ZNF460: variants seen among roughly 807,000 people sequenced by gnomAD.
The protein encoded by ZNF460 is zinc finger protein 460.
Under a neutral mutation model 8.4 loss-of-function variants are expected in ZNF460, and 1 was observed. That is an observed-to-expected ratio of 0.12 (90% CI 0.04 to 0.56). ZNF460 has a LOEUF of 0.56. ZNF460 is among the 20% of genes least tolerant of loss of function. The pLI is 0.91. For missense variants in ZNF460, 477 were observed against 714.8 expected (o/e 0.67, Z 3.79); for synonymous variants, 262 against 259.9 (o/e 1.01, Z -0.08).
Position 57,293,627 on chromosome 19 carries a change from TTCAC to T in ZNF460, c.*1398_*1401del, listed in dbSNP as rs2087934991. On this transcript the variant is annotated 3_prime_UTR_variant, in exon 3 of 3. Transcript: ENST00000360338. Reference sequence around the variant, plus strand: ...TATCATTTCTTTGTGTTTAGAAACATTCACAGTCTGCTTTTCTAGCTATTTGAAA... The same window carrying T: ...TATCATTTCTTTGTGTTTAGAAACATAGTCTGCTTTTCTAGCTATTTGAAA... 6.6e-6 allele frequency: 1 copy of T among 152,242 alleles called. No individual in the cohort carries two copies. Among genetic ancestry groups the T allele is most frequent in the Admixed American group, 6.5e-5 (1 of 15,274 alleles). 9.4% of individuals were successfully genotyped at this position (152,242 alleles called of 1,614,324 possible). A position where few individuals can be genotyped will look rare whatever the true frequency, so the allele number is the denominator to read the frequency against.
chr19:57,290,721 C>T lies in ZNF460; in HGVS notation c.180C>T (p.Thr60=), dbSNP rs73630461. The T allele has an allele frequency of 7.2e-3, 11,637 of 1,613,798 alleles. 712 individuals are homozygous for T. The African/African-American group carries it at 0.13, about 18-fold the overall frequency. ...VALGDSTKPE[T]VEPIPSHLAL... is the part of the protein sequence containing the mutation. Reference sequence around the variant, plus strand: ...CAGGTGACAGCACAAAACCTGAGACCGTAGAGCCTATCCCTTCTCATCTGG... The same window carrying T: ...CAGGTGACAGCACAAAACCTGAGACTGTAGAGCCTATCCCTTCTCATCTGG... The change falls in exon 3 of 3, where the codon ACC becomes ACT. Residue 60 remains threonine, a synonymous_variant. Coordinates refer to ENST00000360338, the MANE Select transcript of ZNF460 (RefSeq NM_006635.4).
In ZNF460 at chr19:57,280,938, A is replaced by G. The variant is rs577031628; in HGVS notation, c.30+102A>G. 92 of 1,527,426 alleles carry G rather than the reference A, an allele frequency of 6.0e-5. 2 individuals carry two copies. In the South Asian group the frequency reaches 1.0e-3, roughly 17 times the overall value. The allele number at this position is 1,527,426 out of a possible 1,614,324, so 94.6% of individuals were successfully genotyped here. ...AGCCACAGGATTTTTCTTTGTCGCC[A>G]TCGTTTATTTAAGAGAAATGGCCGT... On this transcript the variant is annotated intron_variant, in intron 1 of 2. Coordinates refer to ENST00000360338, the MANE Select transcript of ZNF460 (RefSeq NM_006635.4).
rs201139583 is a variant in ZNF460, at chr19:57,292,029, G to T, written c.1488G>T (p.Arg496=). 124 of 1,614,102 alleles carry T rather than the reference G, an allele frequency of 7.7e-5. No individual in the cohort carries two copies. Among genetic ancestry groups the T allele is most frequent in the Non-Finnish European group, 1.0e-4 (120 of 1,180,054 alleles). Residue 496 remains arginine (R), a synonymous_variant, in exon 3 of 3, where the codon CGG becomes CGT. Coordinates refer to ENST00000360338, the MANE Select transcript of ZNF460 (RefSeq NM_006635.4). Reference sequence around the variant, plus strand: ...GGTCACCCCTCACAAGGCACCAGCGGATTCACACTGCAGAGAAGTCCCACG... The same window carrying T: ...GGTCACCCCTCACAAGGCACCAGCGTATTCACACTGCAGAGAAGTCCCACG... ...NRRSPLTRHQ[R]IHTAEKSHEP...
Position 57,280,508 on chromosome 19 carries a change from C to G in ZNF460, c.-299C>G. 1 of 488,818 alleles carries G rather than the reference C, an allele frequency of 2.0e-6. No individual in the cohort carries two copies. The highest frequency in any genetic ancestry group is 3.7e-5 in the East Asian group (1 of 27,236). 30.3% of individuals were successfully genotyped at this position (488,818 alleles called of 1,614,324 possible). A position where few individuals can be genotyped will look rare whatever the true frequency, so the allele number is the denominator to read the frequency against. On this transcript the variant is annotated 5_prime_UTR_variant, in exon 1 of 3. Transcript: ENST00000360338. ...CTGAAACAGTGTGGGGCCTAGAGCGCTGGGTGGGCGCGTTCTGCGGCCTGA... is the reference window on the plus strand; with the variant it reads ...CTGAAACAGTGTGGGGCCTAGAGCGGTGGGTGGGCGCGTTCTGCGGCCTGA...
At position 57,280,530 on chromosome 19, in the gene ZNF460, C is replaced by A. The variant is rs113750839; in HGVS notation, c.-277C>A. ...GCGCTGGGTGGGCGCGTTCTGCGGC[C>A]TGAGCAGGGACGGGTAGTGAAGCGG... On this transcript the variant is annotated 5_prime_UTR_variant, in exon 1 of 3. The change creates a new upstream start codon in the 5' untranslated region. Coordinates refer to ENST00000360338, the MANE Select transcript of ZNF460 (RefSeq NM_006635.4). 7 of 525,542 alleles carry A rather than the reference C, an allele frequency of 1.3e-5. No homozygotes were observed. In the Admixed American group the frequency reaches 2.0e-4, roughly 15 times the overall value. The allele number at this position is 525,542 out of a possible 1,614,324, so 32.6% of individuals were successfully genotyped here.
intron 2 of ZNF460, 63 bp downstream of exon 2, chr19:57,284,740 C>T: frequency 6.7e-7 from 1 of 1,496,460 alleles, no homozygotes; most frequent in Non-Finnish European, 8.9e-7. Context: ...TTCTAGCCTT[C>T]ATCCTGGCTC....
chr19:57,286,127 C>G (rs1254106419), intron 2 of ZNF460, among the ~76,000 whole-genome samples: 2 of 152,208 alleles, frequency 1.3e-5, no homozygotes, highest in African/African-American at 4.8e-5. Flanking sequence ...CTTTGCTTTA[C>G]TGCACCTTGC....
intron 2 of ZNF460, among the ~76,000 whole-genome samples, chr19:57,287,289 C>T (rs2087886469): frequency 6.6e-6 from 1 of 152,134 alleles, no homozygotes; most frequent in African/African-American, 2.4e-5. Context: ...AAACTGCCAT[C>T]CATTTGTCCA....
intron 2 of ZNF460, 32 bp downstream of exon 2, chr19:57,284,709 G>A: frequency 6.5e-7 from 1 of 1,546,554 alleles, no homozygotes. Flanking sequence ...CCAAAATCAG[G>A]GGCACCAGAA....
At chr19:57,283,859 G>A (rs1225924011) in intron 1 of ZNF460, among the ~76,000 whole-genome samples, 6 of 152,082 alleles carry the variant, frequency 3.9e-5, no homozygotes, top group Middle Eastern at 3.4e-3. Context: ...ATGGAGGCTC[G>A]GCGAAATGAA....
chr19:57,289,070 T>G (rs2087898308), intron 2 of ZNF460, among the ~76,000 whole-genome samples: 1 of 152,122 alleles, frequency 6.6e-6, no homozygotes, highest in South Asian at 2.1e-4. Context: ...GGATCAGTTT[T>G]TAGAGAATTG....
chr19:57,284,301 C>G (rs938076990), intron 1 of ZNF460, among the ~76,000 whole-genome samples: 7 of 151,924 alleles, frequency 4.6e-5, no homozygotes, highest in Admixed American at 1.3e-4. Context: ...TCTCAGCTCA[C>G]TGCAATCTCC....
chr19:57,282,215 C>T (rs542371744), intron 1 of ZNF460, among the ~76,000 whole-genome samples: 1 of 152,206 alleles, frequency 6.6e-6, no homozygotes, highest in East Asian at 1.9e-4. Flanking sequence ...ATGTGGTTCC[C>T]CTTACTCCCT....
chr19:57,282,968 G>A (rs1356153295), intron 1 of ZNF460, among the ~76,000 whole-genome samples: 2 of 151,564 alleles, frequency 1.3e-5, no homozygotes, highest in Non-Finnish European at 2.9e-5. Context: ...TCCAGCCTGG[G>A]TGACAGAGTG....
intron 2 of ZNF460, 130 bp downstream of exon 2, chr19:57,284,807 TAC>T: frequency 9.4e-7 from 1 of 1,059,368 alleles, no homozygotes; most frequent in Non-Finnish European, 1.2e-6. Flanking sequence ...CCCAAAGCTT[TAC>T]TCTATTTTTT....
chr19:57,280,235 G>A (rs12610538), upstream of ZNF460: 68,420 of 153,232 alleles, frequency 0.45, 16,351 homozygotes, highest in African/African-American at 0.62. Context: ...CCTATACTAA[G>A]GCGGTGGCCC....
chr19:57,281,556 A>AATTTTTTTTT (rs2087839568), intron 1 of ZNF460, among the ~76,000 whole-genome samples: 13 of 85,044 alleles, frequency 1.5e-4, no homozygotes, highest in African/African-American at 5.8e-4. Flanking sequence ...TAACCCTGAA[A>AATTTTTTTTT]TTTTTTTTTT....
At chr19:57,281,880 CAA>C (rs1448886645) in intron 1 of ZNF460, 3 of 152,130 alleles carry the variant, frequency 2.0e-5, no homozygotes, top group Admixed American at 2.0e-4. Context: ...TTGTTTTACA[CAA>C]GAGCAATTTG....
At chr19:57,282,094 A>C (rs2090128584) in intron 1 of ZNF460, 1 of 152,232 alleles carries the variant, frequency 6.6e-6, no homozygotes, top group Non-Finnish European at 1.5e-5. Context: ...GATCTTGGGC[A>C]TGAGGAGTCA....
Sources: gnomAD v4.1 joint callset for allele counts (sites outside exome capture counted in the v4.1 genomes callset) on GRCh38, gnomAD v4.1.1 for gene constraint, MANE v1.5 for transcripts, NCBI Gene and HGNC (gene_info 2026-07-23, HGNC 2026-07-21) for gene names.